Variants in NDST4 observed in about 807,000 individuals in gnomAD.
NDST4 encodes the protein N-heparan sulfate sulfotransferase 4.
A neutral mutation model predicts 100.8 loss-of-function variants in NDST4; 63 were observed. The observed-to-expected ratio is 0.62, with a 90% CI of 0.51 to 0.77. The LOEUF is 0.77. NDST4 is among the 30% of genes least tolerant of loss of function. The pLI is 0.00. For synonymous variants in NDST4, 377 were observed against 361.8 expected (o/e 1.04, Z -0.48); for missense variants, 943 against 1,018.4 (o/e 0.93, Z 1.01).
rs1735098168 is a variant in NDST4, at chr4:114,970,594, A to T, written c.1067-10T>A. The T allele has an allele frequency of 6.3e-7, 1 of 1,599,638 alleles. No homozygotes were observed. The highest frequency in any genetic ancestry group is 1.7e-5 in the Admixed American group (1 of 57,800). ...TCTTCCTCTTCAGTCCCTTTAAAAC[A>T]TAAAGTTAAAAATAACTTTAGTGAA... On this transcript the variant is annotated splice_polypyrimidine_tract_variant and intron_variant, in intron 3 of 13. Transcript: ENST00000264363.
intron 2 of NDST4, among the ~76,000 whole-genome samples, chr4:115,060,572 T>C (rs1174283330): frequency 6.6e-6 from 1 of 152,014 alleles, no homozygotes; most frequent in South Asian, 2.1e-4. Context: ...AAATAAATTA[T>C]ACTTTAAAAT....
intron 4 of NDST4, among the ~76,000 whole-genome samples, chr4:114,947,696 G>A (rs1301634187): frequency 6.6e-6 from 1 of 151,916 alleles, no homozygotes; most frequent in East Asian, 1.9e-4. Flanking sequence ...AAATAATTTT[G>A]CTTAATTCAA....
At chr4:115,052,867 G>GT (rs1382243005) in intron 2 of NDST4, among the ~76,000 whole-genome samples, 1 of 152,080 alleles carries the variant, frequency 6.6e-6, no homozygotes, top group Non-Finnish European at 1.5e-5. Context: ...TTAAGTACCT[G>GT]TCTAGAGGAA....
At position 114,929,125 on chromosome 4, in the gene NDST4, T is replaced by C. The variant is rs1038492171; in HGVS notation, c.1536+6081A>G. Among the ~76,000 whole-genome samples, 191 of 141,742 alleles carry C rather than the reference T, an allele frequency of 1.3e-3. 2 individuals are homozygous for C. The South Asian group carries it at 0.018, about 14-fold the overall frequency. 93.0% of individuals were successfully genotyped at this position (141,742 alleles called of 152,430 possible). ...CCATCCATCCATCCATCTATCTATC[T>C]ATCTATCTATCTATCTATCTATCTA... On this transcript the variant is annotated intron_variant, in intron 6 of 13. Coordinates refer to ENST00000264363, the MANE Select transcript of NDST4 (RefSeq NM_022569.3).
intron 6 of NDST4, among the ~76,000 whole-genome samples, chr4:114,899,047 T>C (rs1179299409): frequency 6.6e-6 from 1 of 152,206 alleles, no homozygotes; most frequent in African/African-American, 2.4e-5. Context: ...AGCTAGGTTT[T>C]CTAGTACAAT....
intron 2 of NDST4, among the ~76,000 whole-genome samples, chr4:115,060,684 ATGTAATAATGATACCTTTTTTTCT>A (rs1443433808): frequency 6.6e-6 from 1 of 152,004 alleles, no homozygotes; most frequent in African/African-American, 2.4e-5. Flanking sequence ...TTGGGAGTTT[ATGTAATAATGATACCTTTTTTTCT>A]AGCAGCAGTA....
intron 3 of NDST4, among the ~76,000 whole-genome samples, chr4:114,973,793 T>A (rs1393969861): frequency 6.6e-6 from 1 of 151,856 alleles, no homozygotes; most frequent in Non-Finnish European, 1.5e-5. Flanking sequence ...AATTTCTACC[T>A]TATATTTGTG....
At chr4:114,989,401 C>G (rs1726987196) in intron 2 of NDST4, among the ~76,000 whole-genome samples, 1 of 152,110 alleles carries the variant, frequency 6.6e-6, no homozygotes, top group African/African-American at 2.4e-5. Context: ...CCATGCTTAC[C>G]TATTCAAGAA....
chr4:114,862,316 A>T (rs937485602), intron 7 of NDST4, among the ~76,000 whole-genome samples: 9 of 152,178 alleles, frequency 5.9e-5, no homozygotes, highest in Non-Finnish European at 1.2e-4. Context: ...GAACTTAAAC[A>T]TTATTTCTCT....
chr4:114,872,676 TACATATATG>T (rs1724173998), intron 6 of NDST4, among the ~76,000 whole-genome samples: 1 of 152,000 alleles, frequency 6.6e-6, no homozygotes, highest in African/African-American at 2.4e-5. Context: ...CTAAGCCCTT[TACATATATG>T]AAATAATTAA....
At chr4:114,969,182 C>T (rs1301578691) in intron 4 of NDST4, among the ~76,000 whole-genome samples, 2 of 151,080 alleles carry the variant, frequency 1.3e-5, no homozygotes, top group African/African-American at 2.4e-5. Flanking sequence ...GGCGTAGTGG[C>T]GGGCGCCTGT....
At chr4:114,899,278 A>C (rs1364919093) in intron 6 of NDST4, among the ~76,000 whole-genome samples, 1 of 152,154 alleles carries the variant, frequency 6.6e-6, no homozygotes, top group Non-Finnish European at 1.5e-5. Context: ...CCCAGGTTCA[A>C]GGCATTCTCC....
intron 6 of NDST4, among the ~76,000 whole-genome samples, chr4:114,904,740 G>A (rs1724914884): frequency 6.6e-6 from 1 of 151,746 alleles, no homozygotes; most frequent in Non-Finnish European, 1.5e-5. Context: ...ATTGTTAATA[G>A]CAATAATATT....
chr4:115,101,653 G>A (rs1186082820), intron 1 of NDST4, among the ~76,000 whole-genome samples: 2 of 152,068 alleles, frequency 1.3e-5, no homozygotes, highest in Non-Finnish European at 2.9e-5. Flanking sequence ...TACTGGTGGT[G>A]GTGTTAAAGC....
chr4:114,870,138 A>ATCT (rs1724115880), intron 7 of NDST4, among the ~76,000 whole-genome samples: 1 of 152,162 alleles, frequency 6.6e-6, no homozygotes, highest in Non-Finnish European at 1.5e-5. Context: ...GCCAAGAAGC[A>ATCT]GATAGTTTAC....
intron 1 of NDST4, among the ~76,000 whole-genome samples, chr4:115,107,993 A>G (rs989211477): frequency 6.6e-6 from 1 of 152,044 alleles, no homozygotes; most frequent in African/African-American, 2.4e-5. Context: ...GAACCATAAT[A>G]CTTTAGATAA....
chr4:114,854,802 T>G (rs1360250756), intron 7 of NDST4, among the ~76,000 whole-genome samples: 2 of 152,184 alleles, frequency 1.3e-5, no homozygotes, highest in Admixed American at 6.5e-5. Flanking sequence ...TTCATGATGT[T>G]AGATTGCTGA....
At chr4:114,834,513 CAAAAAAAAAAA>C (rs869097688) in intron 11 of NDST4, among the ~76,000 whole-genome samples, 2 of 63,838 alleles carry the variant, frequency 3.1e-5, no homozygotes, top group Non-Finnish European at 7.3e-5. Flanking sequence ...GACTCCATCT[CAAAAAAAAAAA>C]AAAAAAAAAA....
chr4:114,901,806 CCTT>C (rs977105599), intron 6 of NDST4, among the ~76,000 whole-genome samples: 12 of 151,246 alleles, frequency 7.9e-5, no homozygotes, highest in Non-Finnish European at 1.2e-4. Context: ...CCCTTCCACT[CCTT>C]CTCTTCTTTT....
Sources: gnomAD v4.1 joint callset for allele counts (sites outside exome capture counted in the v4.1 genomes callset) on GRCh38, gnomAD v4.1.1 for gene constraint, MANE v1.5 for transcripts, NCBI Gene and HGNC (gene_info 2026-07-23, HGNC 2026-07-21) for gene names.